Variants in CHRNA4 observed in about 807,000 individuals in gnomAD.
CHRNA4 encodes neuronal acetylcholine receptor subunit alpha-4.
Under a neutral mutation model 48.9 loss-of-function variants are expected in CHRNA4, and 28 were observed. That is an observed-to-expected ratio of 0.57 (90% CI 0.42 to 0.79). CHRNA4 has a LOEUF of 0.79. Among genes scored for constraint, CHRNA4 ranks in the 30% least tolerant of loss-of-function variants. CHRNA4 has a pLI of 0.00. For synonymous variants in CHRNA4, 425 were observed against 402.3 expected, an observed-to-expected ratio of 1.06 and a Z score of -0.68; for missense variants, 859 against 898.4, an observed-to-expected ratio of 0.96 and a Z score of 0.56.
In CHRNA4 at chr20:63,355,777, C is replaced by T. The variant is rs2273501; in HGVS notation, c.383+198G>A. The stretch of plus-strand genomic sequence containing the variant: ...TCTTTGCTGGCCTGGGGGGACCCTT[C>T]CCTCCTCAACCCACACCAATTTCTC... On this transcript the variant is annotated intron_variant, in intron 4 of 5. Coordinates refer to ENST00000370263, the MANE Select transcript of CHRNA4 (RefSeq NM_000744.7). 70,587 of 846,800 alleles carry T rather than the reference C, an allele frequency of 0.083. 3,486 individuals carry two copies. Among genetic ancestry groups the T allele is most frequent in the South Asian group, 0.16 (9,862 of 61,850 alleles). 52.5% of individuals were successfully genotyped at this position (846,800 alleles called of 1,614,324 possible).
intron 1 of CHRNA4, 157 bp from the exon 2 acceptor site, chr20:63,359,856 C>G: frequency 1.1e-6 from 1 of 892,754 alleles, no homozygotes; most frequent in Admixed American, 2.2e-5. Flanking sequence ...TGTGTGTGTG[C>G]CGGGCGTGCG....
rs2068496259 is a variant in CHRNA4 at position 63,346,461 on chromosome 20, C to A, written c.*277G>T. The A allele has an allele frequency of 3.2e-6, 2 of 618,002 alleles. No individual in the cohort carries two copies. Among genetic ancestry groups the A allele is most frequent in the South Asian group, 3.0e-5 (2 of 65,962 alleles). 38.3% of individuals were successfully genotyped at this position (618,002 alleles called of 1,614,324 possible). A position where few individuals can be genotyped will look rare whatever the true frequency, so the allele number is the denominator to read the frequency against. On this transcript the variant is annotated 3_prime_UTR_variant, in exon 6 of 6. Coordinates refer to ENST00000370263, the MANE Select transcript of CHRNA4 (RefSeq NM_000744.7). ...AGGAGACTCTTGAACTGGACTTAGC[C>A]CGAGTCCTGCAGGTAGAAGGCGCCG...
Position 63,355,955 on chromosome 20 carries a change from A to G in CHRNA4, c.383+20T>C. ...CCCACCAAGGCCCTGTAGAGGACTC[A>G]CTTGTTGTAGAGGACTCACTTGTTG... On this transcript the variant is annotated intron_variant, in intron 4 of 5. Transcript: ENST00000370263. The G allele has an allele frequency of 6.2e-7, 1 of 1,609,826 alleles. No homozygotes were observed. Among genetic ancestry groups the G allele is most frequent in the Non-Finnish European group, 8.5e-7 (1 of 1,178,416 alleles).
At chr20:63,355,846 TG>T in intron 4 of CHRNA4, 128 bp downstream of exon 4, 2 of 1,286,476 alleles carry the variant, frequency 1.6e-6, no homozygotes, top group Non-Finnish European at 1.1e-6. Flanking sequence ...CTGGCATGCA[TG>T]GGGCTGGCAT....
At chr20:63,349,402 C>T (rs2068545735) in intron 5 of CHRNA4, 3 of 590,796 alleles carry the variant, frequency 5.1e-6, no homozygotes, top group Admixed American at 6.0e-5. Context: ...CCACTGTGTC[C>T]CAAAGCCAGA....
intron 1 of CHRNA4, chr20:63,359,907 G>GCGCGTGCCGGGCGTGCGC (rs1321244257): frequency 2.3e-6 from 1 of 427,254 alleles, no homozygotes; most frequent in Non-Finnish European, 4.2e-6. Flanking sequence ...CTGTGTGTGT[G>GCGCGTGCCGGGCGTGCGC]TGTGTGTGTG....
In CHRNA4 at chr20:63,356,055, G is replaced by A. The variant is rs767647066; in HGVS notation, c.303C>T (p.Asp101=). Residue 101 remains aspartate, a synonymous_variant, in exon 4 of 6, where the codon GAC becomes GAT. Transcript: ENST00000370263. ...QEWHDYKLRW[D]PADYENVTSI... ...AGGTGACATTCTCATAGTCAGCTGGGTCCCAGCGCAGCTTGTAGTCGTGCC... is the reference window on the plus strand; with the variant it reads ...AGGTGACATTCTCATAGTCAGCTGGATCCCAGCGCAGCTTGTAGTCGTGCC... 2 of 1,593,410 alleles carry A rather than the reference G, an allele frequency of 1.3e-6. No homozygotes were observed. The highest frequency in any genetic ancestry group is 1.1e-5 in the South Asian group (1 of 90,384).
At chr20:63,356,119 G>T in intron 3 of CHRNA4, 35 bp from the exon 4 acceptor site, 1 of 1,096,452 alleles carries the variant, frequency 9.1e-7, no homozygotes, top group Non-Finnish European at 1.3e-6. Context: ...GCTGCAGGGT[G>T]AGGGGTGTGG....
intron 4 of CHRNA4, among the ~76,000 whole-genome samples, chr20:63,351,875 T>C (rs1271232000): frequency 6.6e-6 from 1 of 152,140 alleles, no homozygotes; most frequent in Non-Finnish European, 1.5e-5. Flanking sequence ...AGCCCCTGGT[T>C]CCATAGACAG....
chr20:63,351,108 CCCACGTCCACA>C (rs2068592526), intron 4 of CHRNA4, 81 bp from the exon 5 acceptor site: 1 of 1,481,100 alleles, frequency 6.8e-7, no homozygotes, highest in African/African-American at 1.4e-5. Context: ...CACACCCATG[CCCACGTCCACA>C]CCCACACCCA....
At position 63,346,097 on chromosome 20, in the gene CHRNA4, T is replaced by C; in HGVS notation, c.*641A>G. 2.2e-6 allele frequency: 1 copy of C among 454,014 alleles called. No individual in the cohort carries two copies. The highest frequency in any genetic ancestry group is 1.6e-5 in the South Asian group (1 of 64,464). The allele number at this position is 454,014 out of a possible 1,614,324, so 28.1% of individuals were successfully genotyped here. On this transcript the variant is annotated 3_prime_UTR_variant, in exon 6 of 6. Transcript: ENST00000370263. ...GCGGAACCAGCTCCACAAAACTCTG[T>C]TCTCCAAGGCTCCTTAGGCACAAGA... is the stretch of plus-strand genomic sequence containing the variant.
At chr20:63,355,017 T>C (rs1378115895) in intron 4 of CHRNA4, among the ~76,000 whole-genome samples, 2 of 151,972 alleles carry the variant, frequency 1.3e-5, no homozygotes, top group East Asian at 3.9e-4. Context: ...TACAGCAGGG[T>C]TTGTAGGTCA....
Position 63,349,685 on chromosome 20 carries a change from C to G in CHRNA4, c.1726G>C (p.Asp576His), listed in dbSNP as rs537904499. ...TCTGTGTCTTCGGCCTTCAGGTGGT[C>G]TGCAATGTACTGGACGCCCTCCACC... The part of the protein sequence containing the change: ...RAVEGVQYIA[D>H]HLKAEDTDFS... The change falls in exon 5 of 6, where the codon GAC (aspartate) becomes CAC (histidine). Residue 576 changes from aspartate to histidine, a missense_variant. By Grantham distance (81) the Asp-to-His change is moderately conservative (BLOSUM62 -1). Transcript: ENST00000370263. The G allele has an allele frequency of 7.9e-5, 128 of 1,612,898 alleles. No individual in the cohort carries two copies. Among genetic ancestry groups the G allele is most frequent in the South Asian group, 7.0e-4 (64 of 91,090 alleles).
intron 1 of CHRNA4, among the ~76,000 whole-genome samples, chr20:63,360,607 C>T (rs1379573688): frequency 2.6e-5 from 4 of 152,172 alleles, no homozygotes; most frequent in Non-Finnish European, 5.9e-5. Flanking sequence ...TTCTACACCC[C>T]TGGGAGCCTT....
Position 63,350,801 on chromosome 20 carries a change from A to G in CHRNA4, c.610T>C (p.Trp204Arg). ...ACGATGACCCACTCGCCACTCTCCC[A>G]GAAGTCCAGCTGGTCCACGCGGCTG... The part of the protein sequence containing the change: ...MHSRVDQLDF[W>R]ESGEWVIVDA... Residue 204 changes from tryptophan (W) to arginine (R), a missense_variant, in exon 5 of 6, where the codon TGG becomes CGG. Trp to Arg is a moderately radical substitution (Grantham distance 101). This residue lies in a region of CHRNA4 where 342 missense variants were observed against 365.3 expected (regional missense o/e 0.94). Transcript: ENST00000370263. 6.2e-7 allele frequency: 1 copy of G among 1,613,892 alleles called. No homozygotes were observed. Among genetic ancestry groups the G allele is most frequent in the Non-Finnish European group, 8.5e-7 (1 of 1,179,956 alleles).
At chr20:63,348,593 G>A (rs1255371889) in intron 5 of CHRNA4, among the ~76,000 whole-genome samples, 1 of 152,228 alleles carries the variant, frequency 6.6e-6, no homozygotes, top group Non-Finnish European at 1.5e-5. Context: ...TTCAGACGGA[G>A]GTGGCCCACT....
At position 63,358,096 on chromosome 20, in the gene CHRNA4, C is replaced by T. The variant is rs45541838; in HGVS notation, c.228+1452G>A. On this transcript the variant is annotated intron_variant, in intron 2 of 5. Coordinates refer to ENST00000370263, the MANE Select transcript of CHRNA4 (RefSeq NM_000744.7). ...GCAGGCTTGCCAAGCCTGTGCAACCCGCATTGTCTTCTGGCTGGGCCTCCG... is the reference window on the plus strand; with the variant it reads ...GCAGGCTTGCCAAGCCTGTGCAACCTGCATTGTCTTCTGGCTGGGCCTCCG... Among the ~76,000 whole-genome samples, 356 of 152,304 alleles carry T rather than the reference C, an allele frequency of 2.3e-3. 1 individual carries two copies. Among genetic ancestry groups the T allele is most frequent in the African/African-American group, 8.0e-3 (334 of 41,566 alleles).
rs45607838 is a variant in CHRNA4 at position 63,345,966 on chromosome 20, G to C, written c.*772C>G. ...AGAGCCCTGGCCCTACGCCTGGAAG[G>C]CAGAGTCCTGGTCTCCAGACTCGCT... On this transcript the variant is annotated 3_prime_UTR_variant, in exon 6 of 6. Coordinates refer to ENST00000370263, the MANE Select transcript of CHRNA4 (RefSeq NM_000744.7). This position sits in a 1 kb window ranked among gnomAD's most constrained non-coding sequence, Gnocchi z 5.4. 1 of 453,928 alleles carries C rather than the reference G, an allele frequency of 2.2e-6. No individual in the cohort carries two copies. The highest frequency in any genetic ancestry group is 2.0e-5 in the African/African-American group (1 of 50,002). The allele number at this position is 453,928 out of a possible 1,614,324, so 28.1% of individuals were successfully genotyped here.
At chr20:63,352,603 T>C (rs368486892) in intron 4 of CHRNA4, among the ~76,000 whole-genome samples, 7 of 152,130 alleles carry the variant, frequency 4.6e-5, no homozygotes, top group African/African-American at 1.4e-4. Flanking sequence ...TTGCTCCCTC[T>C]CCCCAGCCCA....
Sources: allele counts gnomAD v4.1 joint callset (sites outside exome capture counted in the v4.1 genomes callset), GRCh38; gene constraint gnomAD v4.1.1; regional missense constraint gnomAD v4.1.1; non-coding constraint Gnocchi (gnomAD v3.1); transcripts MANE v1.5; gene names NCBI Gene and HGNC (gene_info 2026-07-23, HGNC 2026-07-21).